ITGB3BP: variants seen among roughly 807,000 people sequenced by gnomAD.
The protein encoded by ITGB3BP is integrin subunit beta 3 binding protein, also known as centromere protein R.
Under a neutral mutation model 29.1 loss-of-function variants are expected in ITGB3BP, and 27 were observed. The observed-to-expected ratio is 0.93, with a 90% CI of 0.68 to 1.28. The LOEUF (loss-of-function observed/expected upper bound fraction) is 1.28. Among genes scored for constraint, ITGB3BP ranks in the 50% most tolerant of loss-of-function variants. ITGB3BP has a pLI of 0.00. For synonymous variants in ITGB3BP, 61 were observed against 61.4 expected (o/e 0.99, Z 0.03); for missense variants, 192 against 200.2 (o/e 0.96, Z 0.25).
upstream of ITGB3BP, among the ~76,000 whole-genome samples, chr1:63,524,033 G>A (rs1203985763): frequency 6.6e-6 from 1 of 152,152 alleles, no homozygotes; most frequent in East Asian, 1.9e-4. Flanking sequence ...TTCCAAGCCT[G>A]CGGGGGGTGC....
chr1:63,449,368 T>C (rs1644831958), intron 7 of ITGB3BP: 1 of 152,422 alleles, frequency 6.6e-6, no homozygotes, highest in Non-Finnish European at 1.5e-5. Context: ...AGTTTAAAAT[T>C]TTTTCTACTG....
Position 63,480,632 on chromosome 1 carries a change from C to CA in ITGB3BP, c.185-1800dup, listed in dbSNP as rs201914808. Among the ~76,000 whole-genome samples the CA allele has an allele frequency of 4.9e-3, 736 of 150,766 alleles. 6 individuals carry two copies. The highest frequency in any genetic ancestry group is 0.015 in the African/African-American group (624 of 41,140). ...TGTTACTTTGGACCTATGTCTTCCT[C>CA]AAAAAAAACAAAACAAAAAAAACCC... On this transcript the variant is annotated intron_variant, in intron 3 of 8. Coordinates refer to ENST00000271002, the MANE Select transcript of ITGB3BP (RefSeq NM_014288.5).
upstream of ITGB3BP, among the ~76,000 whole-genome samples, chr1:63,524,396 C>A (rs1042188972): frequency 1.3e-5 from 2 of 152,172 alleles, no homozygotes; most frequent in Non-Finnish European, 2.9e-5. Context: ...ATGAAAGTGT[C>A]AGGCAGGCGG....
At position 63,520,171 on chromosome 1, in the gene ITGB3BP, A is replaced by G. The variant is rs996590107; in HGVS notation, c.5+2958T>C. On this transcript the variant is annotated intron_variant, in intron 1 of 8. Coordinates refer to ENST00000271002, the MANE Select transcript of ITGB3BP (RefSeq NM_014288.5). ...AGCAAGAGCTACTAAAAAGACATGTATCTGTCTACATAGAATGAAATCTTT... is the reference window on the plus strand; with the variant it reads ...AGCAAGAGCTACTAAAAAGACATGTGTCTGTCTACATAGAATGAAATCTTT... 3.3e-5 allele frequency among the ~76,000 whole-genome samples: 5 copies of G among 152,134 alleles called. No homozygotes were observed. In the East Asian group the frequency reaches 9.6e-4, roughly 29 times the overall value.
intron 4 of ITGB3BP, among the ~76,000 whole-genome samples, chr1:63,478,033 T>C (rs917278284): frequency 6.6e-6 from 1 of 152,188 alleles, no homozygotes; most frequent in Non-Finnish European, 1.5e-5. Context: ...TATCCTCCCA[T>C]ATACTTTAAT....
At chr1:63,480,295 T>C (rs1294784343) in intron 3 of ITGB3BP, among the ~76,000 whole-genome samples, 1 of 152,124 alleles carries the variant, frequency 6.6e-6, no homozygotes, top group Non-Finnish European at 1.5e-5. Context: ...AACATAATGT[T>C]TGTACTTATC....
At chr1:63,468,861 C>CT (rs1557620611) in intron 4 of ITGB3BP, among the ~76,000 whole-genome samples, 306 of 88,010 alleles carry the variant, frequency 3.5e-3, no homozygotes, top group Middle Eastern at 5.9e-3. Flanking sequence ...AACTCTGTCT[C>CT]AAAATAAATA....
chr1:63,470,617 C>T lies in ITGB3BP; in HGVS notation c.254+8147G>A, dbSNP rs375444623. Among the ~76,000 whole-genome samples the T allele has an allele frequency of 4.6e-5, 7 of 152,136 alleles. No individual in the cohort carries two copies. The East Asian group carries it at 1.3e-3, about 29-fold the overall frequency. On this transcript the variant is annotated intron_variant, in intron 4 of 8. Coordinates refer to ENST00000271002, the MANE Select transcript of ITGB3BP (RefSeq NM_014288.5). Reference sequence around the variant, plus strand: ...AGCTATAGATAATTTTCACTGTAGTCCATTAGATAAATACCATAATTTGTT... The same window carrying T: ...AGCTATAGATAATTTTCACTGTAGTTCATTAGATAAATACCATAATTTGTT...
At chr1:63,490,900 G>A (rs778229064) in intron 2 of ITGB3BP, among the ~76,000 whole-genome samples, 2 of 152,048 alleles carry the variant, frequency 1.3e-5, no homozygotes, top group African/African-American at 4.8e-5. Flanking sequence ...ATATCCTAGA[G>A]AACTAAAAAA....
intron 2 of ITGB3BP, among the ~76,000 whole-genome samples, chr1:63,507,860 A>G (rs1202254271): frequency 6.6e-6 from 1 of 152,120 alleles, no homozygotes; most frequent in Non-Finnish European, 1.5e-5. Flanking sequence ...TTTCTCACCA[A>G]TTTACCTGCA....
At chr1:63,445,237 G>C (rs1476202731) in intron 8 of ITGB3BP, among the ~76,000 whole-genome samples, 1 of 152,132 alleles carries the variant, frequency 6.6e-6, no homozygotes, top group African/African-American at 2.4e-5. Context: ...AGTGAGCCGA[G>C]ATCGTGCCAC....
chr1:63,480,316 T>C (rs577324971), intron 3 of ITGB3BP, among the ~76,000 whole-genome samples: 2 of 152,252 alleles, frequency 1.3e-5, no homozygotes, highest in Non-Finnish European at 2.9e-5. Flanking sequence ...AATGGTCAAG[T>C]AGATAACTGT....
At chr1:63,510,114 CG>C in intron 1 of ITGB3BP, 1 of 631,660 alleles carries the variant, frequency 1.6e-6, no homozygotes, top group South Asian at 1.7e-5. Context: ...CGCTTGAACG[CG>C]GGAAGCAGAT....
intron 4 of ITGB3BP, among the ~76,000 whole-genome samples, chr1:63,462,807 C>A (rs1010247985): frequency 2.6e-5 from 4 of 152,046 alleles, no homozygotes; most frequent in African/African-American, 7.3e-5. Flanking sequence ...ATACATAATG[C>A]AAAACAAAAC....
intron 1 of ITGB3BP, among the ~76,000 whole-genome samples, chr1:63,511,094 G>T (rs1646189971): frequency 6.6e-6 from 1 of 151,830 alleles, no homozygotes; most frequent in East Asian, 1.9e-4. Context: ...TAAAAAAGTG[G>T]GCACACAAAA....
intron 4 of ITGB3BP, among the ~76,000 whole-genome samples, chr1:63,474,504 T>C (rs1471730671): frequency 1.5e-4 from 22 of 150,904 alleles, no homozygotes; most frequent in African/African-American, 5.1e-4. Context: ...GCCGGGTCTG[T>C]GTGGATGGAA....
intron 4 of ITGB3BP, chr1:63,457,001 G>T (rs1051603319): frequency 6.6e-6 from 1 of 152,122 alleles, no homozygotes; most frequent in African/African-American, 2.4e-5. Flanking sequence ...TATGCTGAAG[G>T]TGCTTTCTCA....
intron 1 of ITGB3BP, among the ~76,000 whole-genome samples, chr1:63,517,924 T>C (rs1010177401): frequency 3.3e-5 from 5 of 152,140 alleles, no homozygotes; most frequent in African/African-American, 1.2e-4. Context: ...CGTTTTGCCA[T>C]ATTGCCCAGG....
At chr1:63,491,256 G>A (rs1367649947) in intron 2 of ITGB3BP, among the ~76,000 whole-genome samples, 1 of 152,098 alleles carries the variant, frequency 6.6e-6, no homozygotes, top group African/African-American at 2.4e-5. Flanking sequence ...CACCAGCACT[G>A]CTAAATGTGT....
Sources: gnomAD v4.1 joint callset for allele counts (sites outside exome capture counted in the v4.1 genomes callset) on GRCh38, gnomAD v4.1.1 for gene constraint, MANE v1.5 for transcripts, NCBI Gene and HGNC (gene_info 2026-07-23, HGNC 2026-07-21) for gene names.